The following ASZ1 variants were observed in gnomAD, a reference collection of about 807,000 sequenced individuals.
ASZ1 encodes ankyrin repeat, SAM and basic leucine zipper domain containing 1.
Under a neutral mutation model 61.8 loss-of-function variants are expected in ASZ1, and 67 were observed. The observed-to-expected ratio is 1.08, with a 90% CI of 0.89 to 1.33. The LOEUF (loss-of-function observed/expected upper bound fraction) is 1.33, where lower values mean the gene tolerates loss of function less well. Ranked by LOEUF, ASZ1 falls within the 40% of genes most tolerant of loss-of-function variation. The probability of loss-of-function intolerance (pLI) is 0.00; values close to 1 mark genes in which losing one functional copy is unlikely to be tolerated. For synonymous variants in ASZ1, 193 were observed against 192.7 expected (o/e 1.00, Z -0.01); for missense variants, 577 against 554.5 (o/e 1.04, Z -0.41).
At chr7:117,364,741 C>T (rs1455913980) in intron 12 of ASZ1, among the ~76,000 whole-genome samples, 1 of 152,122 alleles carries the variant, frequency 6.6e-6, no homozygotes, top group Non-Finnish European at 1.5e-5. Flanking sequence ...GACTCCAATG[C>T]CAATCTCATT....
At chr7:117,386,409 G>A (rs1584726127) in intron 4 of ASZ1, among the ~76,000 whole-genome samples, 1 of 152,244 alleles carries the variant, frequency 6.6e-6, no homozygotes, top group East Asian at 1.9e-4. Context: ...AGTACTTTCT[G>A]GGAGAGGATA....
At chr7:117,419,609 GAT>G (rs895760522) in intron 4 of ASZ1, among the ~76,000 whole-genome samples, 3 of 152,168 alleles carry the variant, frequency 2.0e-5, no homozygotes, top group Non-Finnish European at 2.9e-5. Flanking sequence ...AAGCCAATGT[GAT>G]AGAAATTTTA....
At position 117,379,133 on chromosome 7, in the gene ASZ1, T is replaced by TTATA. The variant is rs370500034; in HGVS notation, c.1055+801_1055+804dup. Among the ~76,000 whole-genome samples the TTATA allele has an allele frequency of 9.7e-3, 1,012 of 104,170 alleles. 3 individuals carry two copies. Among genetic ancestry groups the TTATA allele is most frequent in the Non-Finnish European group, 0.014 (727 of 50,808 alleles). The allele number at this position is 104,170 out of a possible 152,430, so 68.3% of individuals were successfully genotyped here. ...ACATGAAGCTATAAATGTGATAAAA[T>TTATA]TATATATATATATATATATATATAT... On this transcript the variant is annotated intron_variant, in intron 10 of 12. Transcript: ENST00000284629.
intron 2 of ASZ1, among the ~76,000 whole-genome samples, chr7:117,424,947 C>T (rs1203965699): frequency 6.6e-6 from 1 of 152,178 alleles, no homozygotes; most frequent in Admixed American, 6.5e-5. Context: ...CCCTTGCCAA[C>T]AACCCTTTGA....
chr7:117,407,766 T>C (rs1796814620), intron 4 of ASZ1, among the ~76,000 whole-genome samples: 1 of 152,144 alleles, frequency 6.6e-6, no homozygotes, highest in Non-Finnish European at 1.5e-5. Context: ...CATCGTGACA[T>C]AGTGTTAAGC....
intron 2 of ASZ1, among the ~76,000 whole-genome samples, chr7:117,423,841 G>A (rs1468600349): frequency 4.0e-5 from 6 of 148,572 alleles, no homozygotes; most frequent in African/African-American, 7.5e-5. Context: ...CAGCCTGGGC[G>A]ACAGAGTGAG....
chr7:117,418,725 G>A (rs1444735417), intron 4 of ASZ1, among the ~76,000 whole-genome samples: 1 of 151,798 alleles, frequency 6.6e-6, no homozygotes, highest in African/African-American at 2.4e-5. Context: ...ACTTTGGGAG[G>A]TGGAGGCAGG....
chr7:117,406,987 GAAT>G (rs1433249092), intron 4 of ASZ1, among the ~76,000 whole-genome samples: 2 of 151,810 alleles, frequency 1.3e-5, no homozygotes. Flanking sequence ...ATAGAAAATG[GAAT>G]AATAAAAAAT....
intron 2 of ASZ1, among the ~76,000 whole-genome samples, chr7:117,423,861 CAA>C (rs1300803626): frequency 1.9e-4 from 20 of 104,134 alleles, no homozygotes; most frequent in East Asian, 2.7e-4. Context: ...GACTCCATCT[CAA>C]AAAAAAAAAA....
rs543021750 is a variant in ASZ1, at chr7:117,401,194, A to G, written c.441-15385T>C. Among the ~76,000 whole-genome samples the G allele has an allele frequency of 1.4e-4, 21 of 152,308 alleles. No homozygotes were observed. In the South Asian group the frequency reaches 4.4e-3, roughly 32 times the overall value. ...AGGAAGAAAAGAGTGTTAAGAAACA[A>G]ATGGGATATAGATGTAATGGTTTAA... On this transcript the variant is annotated intron_variant, in intron 4 of 12. Transcript: ENST00000284629.
intron 4 of ASZ1, among the ~76,000 whole-genome samples, chr7:117,386,056 T>G (rs1490729764): frequency 1.3e-5 from 2 of 152,172 alleles, no homozygotes; most frequent in Non-Finnish European, 2.9e-5. Context: ...TAAAAATACA[T>G]GAAATAAGCC....
chr7:117,405,230 G>C (rs1159920569), intron 4 of ASZ1, among the ~76,000 whole-genome samples: 1 of 152,212 alleles, frequency 6.6e-6, no homozygotes, highest in Non-Finnish European at 1.5e-5. Flanking sequence ...CAGCCTGACA[G>C]TTGAAGACTC....
rs777814813 is a variant in ASZ1 at position 117,385,777 on chromosome 7, C to G, written c.473G>C (p.Arg158Pro). 8 of 1,613,380 alleles carry G rather than the reference C, an allele frequency of 5.0e-6. No individual in the cohort carries two copies. The highest frequency in any genetic ancestry group is 6.8e-6 in the Non-Finnish European group (8 of 1,179,664). ...RLMTPIMYAA[R>P]DGHTQVVALL... The stretch of plus-strand genomic sequence containing the variant: ...AGCAACAACCTGGGTGTGACCATCT[C>G]GAGCAGCATACATGATTGGGGTCAT... Residue 158 changes from arginine to proline, a missense_variant, in exon 5 of 13, where the codon CGA becomes CCA. Transcript: ENST00000284629.
intron 2 of ASZ1, among the ~76,000 whole-genome samples, chr7:117,423,985 CA>C (rs549515561): frequency 2.0e-5 from 3 of 151,282 alleles, no homozygotes; most frequent in African/African-American, 7.3e-5. Context: ...AGGCATAGTG[CA>C]AAAAAAGGTA....
intron 4 of ASZ1, among the ~76,000 whole-genome samples, chr7:117,389,380 G>A (rs1166626930): frequency 1.3e-5 from 2 of 152,116 alleles, no homozygotes; most frequent in Admixed American, 1.3e-4. Context: ...GAGCATCCCA[G>A]CCTCAAAATG....
At position 117,402,774 on chromosome 7, in the gene ASZ1, T is replaced by A. The variant is rs146550648; in HGVS notation, c.441-16965A>T. Among the ~76,000 whole-genome samples, 212 of 152,238 alleles carry A rather than the reference T, an allele frequency of 1.4e-3. 1 individual carries two copies. Among genetic ancestry groups the A allele is most frequent in the Non-Finnish European group, 2.7e-3 (183 of 68,028 alleles). ...CGCGGGTAGTCCTACGCCTTATCTA[T>A]AATGGCAGAAAGAACAACTTGACTT... On this transcript the variant is annotated intron_variant, in intron 4 of 12. Transcript: ENST00000284629.
chr7:117,393,337 A>G (rs1199712901), intron 4 of ASZ1, among the ~76,000 whole-genome samples: 1 of 152,186 alleles, frequency 6.6e-6, no homozygotes, highest in Admixed American at 6.5e-5. Flanking sequence ...TAAGAGATAT[A>G]CTAAAGTCTT....
chr7:117,378,971 CATGAA>C (rs1205877982), intron 10 of ASZ1, among the ~76,000 whole-genome samples: 1 of 151,078 alleles, frequency 6.6e-6, no homozygotes, highest in Non-Finnish European at 1.5e-5. Context: ...ATATAATATT[CATGAA>C]ATAACATCAT....
At chr7:117,417,845 T>C (rs1027808811) in intron 4 of ASZ1, among the ~76,000 whole-genome samples, 3 of 152,210 alleles carry the variant, frequency 2.0e-5, no homozygotes, top group African/African-American at 7.2e-5. Context: ...TTTTAGAGAG[T>C]TGATCATATA....
Sources: allele counts gnomAD v4.1 joint callset (sites outside exome capture counted in the v4.1 genomes callset), GRCh38; gene constraint gnomAD v4.1.1; transcripts MANE v1.5; gene names NCBI Gene and HGNC (gene_info 2026-07-23, HGNC 2026-07-21).